Variants in SHANK2 observed in about 807,000 individuals in gnomAD.
SHANK2 encodes the protein SH3 and multiple ankyrin repeat domains 2.
SHANK2 carries 43 observed loss-of-function variants against 133.7 expected under a neutral mutation model. The ratio of observed to expected loss-of-function variants is 0.32; its 90% CI spans 0.25 to 0.41. The LOEUF (loss-of-function observed/expected upper bound fraction) is 0.41, where lower values mean the gene tolerates loss of function less well. Among genes scored for constraint, SHANK2 ranks in the 10% least tolerant of loss-of-function variants. SHANK2 has a pLI of 1.00. For synonymous variants in SHANK2, 1,017 were observed against 952.8 expected (o/e 1.07, Z -1.24); for missense variants, 1,994 against 2,235.8 (o/e 0.89, Z 2.18).
At chr11:70,905,372 C>T (rs972232881) in intron 10 of SHANK2, among the ~76,000 whole-genome samples, 4 of 152,204 alleles carry the variant, frequency 2.6e-5, no homozygotes, top group Admixed American at 6.5e-5. Flanking sequence ...CATCCTATAC[C>T]ACCTAGCACT....
chr11:70,704,009 C>A (rs139870986), intron 14 of SHANK2, among the ~76,000 whole-genome samples: 4 of 152,324 alleles, frequency 2.6e-5, no homozygotes, highest in Non-Finnish European at 5.9e-5. Flanking sequence ...GGCCTGGGAC[C>A]ACAGCGGGGA....
chr11:70,616,987 TTGTGTGTCAC>T (rs1479423659), intron 17 of SHANK2, among the ~76,000 whole-genome samples: 29 of 152,192 alleles, frequency 1.9e-4, no homozygotes, highest in East Asian at 5.8e-4. Context: ...TGAGAGTGTG[TTGTGTGTCAC>T]TGTGTGTCAC....
chr11:70,679,900 G>A (rs1216335339), intron 15 of SHANK2, among the ~76,000 whole-genome samples: 1 of 152,198 alleles, frequency 6.6e-6, no homozygotes, highest in Non-Finnish European at 1.5e-5. Context: ...AGAGCCCAGG[G>A]TGACTGTGGC....
chr11:70,700,904 G>A (rs1453062500), intron 14 of SHANK2, among the ~76,000 whole-genome samples: 3 of 152,358 alleles, frequency 2.0e-5, no homozygotes, highest in South Asian at 2.1e-4. Context: ...CATGTGCAGG[G>A]ACAAGTGAGA....
At chr11:70,513,035 C>CA (rs1236710883) in intron 17 of SHANK2, among the ~76,000 whole-genome samples, 1 of 152,128 alleles carries the variant, frequency 6.6e-6, no homozygotes, top group Non-Finnish European at 1.5e-5. Flanking sequence ...TCCCCACCCC[C>CA]AAACCAACAA....
chr11:70,607,265 T>A (rs781979924), intron 17 of SHANK2, among the ~76,000 whole-genome samples: 7 of 152,166 alleles, frequency 4.6e-5, no homozygotes, highest in Non-Finnish European at 1.0e-4. Context: ...TTTTAACAGA[T>A]GAACTGGTTT....
chr11:70,926,731 A>C (rs1184443343), intron 10 of SHANK2, among the ~76,000 whole-genome samples: 1 of 152,206 alleles, frequency 6.6e-6, no homozygotes, highest in Non-Finnish European at 1.5e-5. Flanking sequence ...TCAGCTGGGC[A>C]CCTGCGGGCT....
chr11:71,174,113 G>A (rs1289074397), intron 2 of SHANK2, among the ~76,000 whole-genome samples: 1 of 152,220 alleles, frequency 6.6e-6, no homozygotes, highest in East Asian at 1.9e-4. Flanking sequence ...ATTTCTCTTT[G>A]GATGATATGT....
At chr11:70,649,622 G>A (rs1555009547) in intron 17 of SHANK2, among the ~76,000 whole-genome samples, 2 of 152,174 alleles carry the variant, frequency 1.3e-5, no homozygotes, top group African/African-American at 4.8e-5. Context: ...ACTGGGAGGT[G>A]GGCAGTGGGT....
rs139364330 is a variant in SHANK2 at position 70,573,057 on chromosome 11, C to T, written c.2062-70126G>A. The stretch of plus-strand genomic sequence containing the variant: ...ATCGACATGATGACGGCCCATCACT[C>T]GGCAACGCGAAGGAACGGACTGCCG... On this transcript the variant is annotated intron_variant, in intron 17 of 25. Transcript: ENST00000601538. Among the ~76,000 whole-genome samples the T allele has an allele frequency of 2.4e-3, 361 of 152,198 alleles. 4 individuals carry two copies. Among genetic ancestry groups the T allele is most frequent in the African/African-American group, 8.1e-3 (337 of 41,520 alleles).
chr11:71,221,057 C>T (rs1479557893), intron 2 of SHANK2, among the ~76,000 whole-genome samples: 2 of 151,842 alleles, frequency 1.3e-5, no homozygotes, highest in South Asian at 2.1e-4. Context: ...AAAAATTAGC[C>T]GGGCTTGGTG....
intron 17 of SHANK2, among the ~76,000 whole-genome samples, chr11:70,630,922 C>T (rs966747090): frequency 3.5e-4 from 53 of 152,196 alleles, no homozygotes; most frequent in African/African-American, 1.2e-3. Flanking sequence ...TGGTGACCTG[C>T]GCATCCTGTG....
chr11:71,130,192 G>T (rs1272410871), intron 3 of SHANK2, among the ~76,000 whole-genome samples: 3 of 152,192 alleles, frequency 2.0e-5, no homozygotes, highest in South Asian at 2.1e-4. Flanking sequence ...AAATTTTGGT[G>T]GGGGAGAGAC....
intron 10 of SHANK2, among the ~76,000 whole-genome samples, chr11:70,916,516 C>A (rs781877996): frequency 5.3e-5 from 8 of 152,178 alleles, no homozygotes; most frequent in Non-Finnish European, 1.0e-4. Context: ...TACACACACA[C>A]ACAGCTGCCC....
At chr11:70,720,757 A>G (rs1025681455) in intron 14 of SHANK2, among the ~76,000 whole-genome samples, 2 of 152,240 alleles carry the variant, frequency 1.3e-5, no homozygotes, top group Non-Finnish European at 2.9e-5. Flanking sequence ...ATACACACAC[A>G]CATTCATGTA....
At chr11:70,903,391 T>TAAATAAAATAAAAAATA (rs1950050633) in intron 10 of SHANK2, among the ~76,000 whole-genome samples, 2 of 125,824 alleles carry the variant, frequency 1.6e-5, no homozygotes, top group Non-Finnish European at 3.3e-5. Context: ...TAAAATAAAG[T>TAAATAAAATAAAAAATA]AAATAAAATA....
At chr11:70,698,834 G>A (rs1386314848) in intron 14 of SHANK2, 71 bp from the exon 15 acceptor site, 5 of 716,556 alleles carry the variant, frequency 7.0e-6, no homozygotes, top group Non-Finnish European at 1.3e-5. Context: ...CACAGCACAT[G>A]AGGCTGGTGG....
intron 3 of SHANK2, among the ~76,000 whole-genome samples, chr11:71,142,030 G>C (rs868944457): frequency 6.6e-6 from 1 of 151,306 alleles, no homozygotes; most frequent in African/African-American, 2.4e-5. Flanking sequence ...TTGATGCCAG[G>C]GAGGACAAAA....
At chr11:70,714,767 CCTTT>C (rs551243884) in intron 14 of SHANK2, among the ~76,000 whole-genome samples, 12 of 151,976 alleles carry the variant, frequency 7.9e-5, no homozygotes, top group Non-Finnish European at 1.8e-4. Flanking sequence ...TTTCTTCCTT[CCTTT>C]TTTTTTTCTT....
Sources: allele counts gnomAD v4.1 joint callset (sites outside exome capture counted in the v4.1 genomes callset), GRCh38; gene constraint gnomAD v4.1.1; transcripts MANE v1.5; gene names NCBI Gene and HGNC (gene_info 2026-07-23, HGNC 2026-07-21).